The following LHCGR variants were observed in gnomAD, a reference collection of about 807,000 sequenced individuals.
LHCGR encodes luteinizing hormone/choriogonadotropin receptor.
LHCGR carries 55 observed loss-of-function variants against 60.7 expected under a neutral mutation model. The ratio of observed to expected loss-of-function variants is 0.91; its 90% confidence interval spans 0.73 to 1.13. LHCGR has a LOEUF of 1.13. Ranked by LOEUF, LHCGR falls within the 50% of genes most tolerant of loss-of-function variation. The pLI is 0.00. For synonymous variants in LHCGR, 337 were observed against 316.5 expected (o/e 1.06, Z -0.69); for missense variants, 862 against 836.0 (o/e 1.03, Z -0.38).
chr2:48,689,723 CT>C (rs1028439529), intron 10 of LHCGR, among the ~76,000 whole-genome samples: 6 of 149,454 alleles, frequency 4.0e-5, no homozygotes, highest in East Asian at 2.0e-4. Context: ...CTCTCTCTCT[CT>C]TTTTTTTTTG....
intron 1 of LHCGR, among the ~76,000 whole-genome samples, chr2:48,743,849 T>A (rs1243771048): frequency 6.6e-6 from 1 of 151,922 alleles, no homozygotes; most frequent in African/African-American, 2.4e-5. Flanking sequence ...GCCAGGGCAA[T>A]TAGGCAGGAG....
In LHCGR at chr2:48,755,675, C is replaced by A; in HGVS notation, c.-4G>T. 1 of 1,535,026 alleles carries A rather than the reference C, an allele frequency of 6.5e-7. No homozygotes were observed. Among genetic ancestry groups the A allele is most frequent in the Non-Finnish European group, 8.7e-7 (1 of 1,146,430 alleles). On this transcript the variant is annotated 5_prime_UTR_variant, in exon 1 of 11. Transcript: ENST00000294954. ...GCGCCGAGAACCGCTGCTTCATGGC[C>A]GGCGAACTGGGCTTCTGCGGCTTGC...
intron 8 of LHCGR, among the ~76,000 whole-genome samples, chr2:48,707,355 G>T (rs1667738025): frequency 6.6e-6 from 1 of 152,250 alleles, no homozygotes; most frequent in African/African-American, 2.4e-5. Flanking sequence ...GCGTCTCCCA[G>T]TCAAGCTACA....
At chr2:48,718,925 G>A (rs1445752662) in intron 6 of LHCGR, among the ~76,000 whole-genome samples, 1 of 152,148 alleles carries the variant, frequency 6.6e-6, no homozygotes, top group African/African-American at 2.4e-5. Context: ...GCAGCACTGA[G>A]TTTTCATGTT....
chr2:48,755,134 A>G (rs1407825812), intron 1 of LHCGR, among the ~76,000 whole-genome samples: 1 of 151,872 alleles, frequency 6.6e-6, no homozygotes, highest in African/African-American at 2.4e-5. Context: ...TGGCTGGCCC[A>G]AGGCTCAAAG....
intron 1 of LHCGR, among the ~76,000 whole-genome samples, chr2:48,736,513 G>A (rs978449718): frequency 5.3e-5 from 8 of 152,126 alleles, no homozygotes; most frequent in South Asian, 2.1e-4. Context: ...TGTCCTCCCT[G>A]GTGGTTTCTA....
chr2:48,725,771 A>C (rs760965000), intron 3 of LHCGR, 21 bp from the exon 4 acceptor site: 1 of 1,567,542 alleles, frequency 6.4e-7, no homozygotes, highest in South Asian at 1.1e-5. Context: ...AGAGGGAAAA[A>C]AAAAGCTGCT....
rs148679405 is a variant in LHCGR at position 48,716,066 on chromosome 2, A to G, written c.537-2012T>C. ...CAGCTTCACATACTAGCTCTCCCAT[A>G]TTGGATTACTGGATGCCACTTTCAA... On this transcript the variant is annotated intron_variant, in intron 6 of 10. Coordinates refer to ENST00000294954, the MANE Select transcript of LHCGR (RefSeq NM_000233.4). 4.1e-3 allele frequency among the ~76,000 whole-genome samples: 627 copies of G among 152,056 alleles called. 5 individuals carry two copies. Among genetic ancestry groups the G allele is most frequent in the African/African-American group, 0.014 (591 of 41,456 alleles).
chr2:48,747,388 G>A (rs1223189290), intron 1 of LHCGR, among the ~76,000 whole-genome samples: 2 of 152,202 alleles, frequency 1.3e-5, no homozygotes, highest in African/African-American at 4.8e-5. Flanking sequence ...CACTGTGCCT[G>A]AGAATGGGTT....
At chr2:48,742,782 A>G (rs1029987133) in intron 1 of LHCGR, among the ~76,000 whole-genome samples, 6 of 152,128 alleles carry the variant, frequency 3.9e-5, no homozygotes, top group African/African-American at 1.4e-4. Flanking sequence ...AATTAAAAGA[A>G]CTAGAAAAGC....
At chr2:48,694,117 C>A in intron 10 of LHCGR, 107 bp downstream of exon 10, 1 of 774,806 alleles carries the variant, frequency 1.3e-6, no homozygotes, top group Non-Finnish European at 2.2e-6. Flanking sequence ...TGCTTTGCAA[C>A]AGCTCCGTAA....
In LHCGR at chr2:48,687,997, T is replaced by C; in HGVS notation, c.1800A>G (p.Thr600=). Residue 600 remains threonine, a synonymous_variant, in exon 11 of 11, where the codon ACA becomes ACG. Transcript: ENST00000294954. ...CCAGTAAAACTTTAGAGTTGGTTAC[T>C]GTGATAAGAGGTACTTTGAAGGCAG... ...ISAAFKVPLI[T]VTNSKVLLVL... is the part of the protein sequence containing the mutation. 11 of 1,614,176 alleles carry C rather than the reference T, an allele frequency of 6.8e-6. No homozygotes were observed. Among genetic ancestry groups the C allele is most frequent in the Non-Finnish European group, 9.3e-6 (11 of 1,180,028 alleles).
At chr2:48,697,548 C>G (rs1417642386) in intron 9 of LHCGR, among the ~76,000 whole-genome samples, 2 of 152,348 alleles carry the variant, frequency 1.3e-5, no homozygotes, top group East Asian at 1.9e-4. Context: ...GTCTTCTCAG[C>G]TACCCAAAAA....
intron 3 of LHCGR, among the ~76,000 whole-genome samples, chr2:48,726,364 A>ATAT (rs1245319874): frequency 2.0e-5 from 3 of 152,202 alleles, no homozygotes; most frequent in African/African-American, 7.2e-5. Flanking sequence ...TTGTATAATA[A>ATAT]TATTACATAG....
At chr2:48,737,676 G>T (rs1284196338) in intron 1 of LHCGR, among the ~76,000 whole-genome samples, 1 of 152,234 alleles carries the variant, frequency 6.6e-6, no homozygotes, top group African/African-American at 2.4e-5. Context: ...TGAGGCTTCA[G>T]TGTTAACTGA....
chr2:48,736,094 C>G (rs1379582726), intron 1 of LHCGR, among the ~76,000 whole-genome samples: 1 of 152,134 alleles, frequency 6.6e-6, no homozygotes, highest in Non-Finnish European at 1.5e-5. Context: ...CCTAGCCATG[C>G]TTCCTGTACA....
At chr2:48,716,507 C>A (rs547024870) in intron 6 of LHCGR, among the ~76,000 whole-genome samples, 128 of 151,950 alleles carry the variant, frequency 8.4e-4, no homozygotes, top group African/African-American at 2.9e-3. Flanking sequence ...GGAGGCAAAG[C>A]CAATCATCAG....
At chr2:48,730,884 G>A (rs1668956810) in intron 2 of LHCGR, among the ~76,000 whole-genome samples, 1 of 152,106 alleles carries the variant, frequency 6.6e-6, no homozygotes, top group Non-Finnish European at 1.5e-5. Flanking sequence ...CTATGTGGGT[G>A]TTATCTAAAA....
At chr2:48,739,191 G>A (rs1669326982) in intron 1 of LHCGR, among the ~76,000 whole-genome samples, 2 of 152,188 alleles carry the variant, frequency 1.3e-5, no homozygotes, top group Admixed American at 1.3e-4. Context: ...TGGAGAAATA[G>A]GAACACTTTT....
Sources: gnomAD v4.1 joint callset for allele counts (sites outside exome capture counted in the v4.1 genomes callset) on GRCh38, gnomAD v4.1.1 for gene constraint, MANE v1.5 for transcripts, NCBI Gene and HGNC (gene_info 2026-07-23, HGNC 2026-07-21) for gene names.